The following CDC25A variants were observed in gnomAD, a reference collection of about 807,000 sequenced individuals.
CDC25A encodes cell division cycle 25A.
A neutral mutation model predicts 64.6 loss-of-function variants in CDC25A; 17 were observed. The ratio of observed to expected loss-of-function variants is 0.26; its 90% CI spans 0.18 to 0.39. The LOEUF is 0.39. Among genes scored for constraint, CDC25A ranks in the 10% least tolerant of loss-of-function variants. The pLI is 1.00. For synonymous variants in CDC25A, 229 were observed against 238.6 expected, an observed-to-expected ratio of 0.96 and a Z score of 0.37; for missense variants, 473 against 654.8, an observed-to-expected ratio of 0.72 and a Z score of 3.03.
intron 13 of CDC25A, among the ~76,000 whole-genome samples, chr3:48,160,357 C>CCTT (rs1165516275): frequency 6.7e-6 from 1 of 150,046 alleles, no homozygotes; most frequent in Non-Finnish European, 1.5e-5. Flanking sequence ...GATCCACCTG[C>CCTT]CTTGGCCTCC....
In CDC25A at chr3:48,180,726, G is replaced by T. The variant is rs6771386; in HGVS notation, c.544C>A (p.Arg182=). 6.2e-7 allele frequency: 1 copy of T among 1,613,900 alleles called. No homozygotes were observed. Among genetic ancestry groups the T allele is most frequent in the African/African-American group, 1.3e-5 (1 of 74,914 alleles). The change falls in exon 6 of 15, where the codon CGG becomes AGG. Residue 182 remains arginine (R), a synonymous_variant. Coordinates refer to ENST00000302506, the MANE Select transcript of CDC25A (RefSeq NM_001789.3). ...FTQRQNSAPA[R]MLSSNERDSS... ...ATGAAAGCCAGAGCACATACCATCC[G>T]AGCTGGGGCAGAGTTCTGCCTCTGT...
chr3:48,171,699 T>C (rs1029858030), intron 9 of CDC25A, among the ~76,000 whole-genome samples: 1 of 152,184 alleles, frequency 6.6e-6, no homozygotes, highest in Non-Finnish European at 1.5e-5. Context: ...TAAATATTGA[T>C]AGATATTTTC....
chr3:48,160,673 G>T (rs1485678687), intron 13 of CDC25A, among the ~76,000 whole-genome samples: 1 of 152,140 alleles, frequency 6.6e-6, no homozygotes. Context: ...TGAAGGCAGA[G>T]ATTTTTTGGT....
Position 48,180,805 on chromosome 3 carries a change from T to C in CDC25A, c.465A>G (p.Val155=). The C allele has an allele frequency of 1.2e-6, 2 of 1,614,094 alleles. No individual in the cohort carries two copies. Among genetic ancestry groups the C allele is most frequent in the African/African-American group, 2.7e-5 (2 of 75,050 alleles). ...AFEFKKPVRP[V]SRGCLHSHGL... ...CATGAGAGTGCAGGCAGCCACGAGA[T>C]ACAGGTCTTACTGGCTTCTTAAACT... Residue 155 remains valine, a synonymous_variant, in exon 6 of 15, where the codon GTA becomes GTG. Coordinates refer to ENST00000302506, the MANE Select transcript of CDC25A (RefSeq NM_001789.3).
chr3:48,178,012 A>C (rs767346063), intron 6 of CDC25A, 24 bp from the exon 7 acceptor site: 1 of 1,591,798 alleles, frequency 6.3e-7, no homozygotes, highest in Non-Finnish European at 8.6e-7. Context: ...TTCATGGATT[A>C]ATAATGAGAG....
intron 13 of CDC25A, among the ~76,000 whole-genome samples, chr3:48,161,759 T>A (rs2031775348): frequency 6.6e-6 from 1 of 152,032 alleles, no homozygotes; most frequent in Non-Finnish European, 1.5e-5. Context: ...AAAAACAATT[T>A]ACATGTGTGT....
intron 4 of CDC25A, among the ~76,000 whole-genome samples, 183 bp downstream of exon 4, chr3:48,183,617 G>T (rs890631488): frequency 6.6e-6 from 1 of 152,192 alleles, no homozygotes; most frequent in South Asian, 2.1e-4. Context: ...GGAAGCAGAG[G>T]TTGCAGTGAG....
At chr3:48,177,227 T>C (rs2032497735) in intron 8 of CDC25A, 144 bp downstream of exon 8, 2 of 647,922 alleles carry the variant, frequency 3.1e-6, no homozygotes, top group South Asian at 3.8e-5. Context: ...AGGTCATAAT[T>C]TGTAGGTAGC....
chr3:48,172,649 A>G (rs2032310035), intron 9 of CDC25A, among the ~76,000 whole-genome samples: 1 of 152,206 alleles, frequency 6.6e-6, no homozygotes, highest in South Asian at 2.1e-4. Flanking sequence ...GATTGCCCTG[A>G]GCCCAGGAGT....
At chr3:48,184,229 G>A (rs992491052) in intron 3 of CDC25A, among the ~76,000 whole-genome samples, 1 of 152,042 alleles carries the variant, frequency 6.6e-6, no homozygotes, top group Admixed American at 6.5e-5. Context: ...GGGTGTGGTG[G>A]TGCACTCCTG....
At chr3:48,184,517 G>A (rs111550870) in intron 3 of CDC25A, 136 bp downstream of exon 3, 32 of 656,658 alleles carry the variant, frequency 4.9e-5, no homozygotes, top group Middle Eastern at 5.0e-4. Flanking sequence ...ATTCATTCTT[G>A]AGATTCCAGA....
chr3:48,166,552 C>T (rs1036321769), intron 10 of CDC25A, among the ~76,000 whole-genome samples: 7 of 152,214 alleles, frequency 4.6e-5, no homozygotes. Context: ...ACAGATTTCA[C>T]TCATTTACTG....
intron 6 of CDC25A, among the ~76,000 whole-genome samples, chr3:48,180,026 A>G (rs2032604706): frequency 6.6e-6 from 1 of 152,188 alleles, no homozygotes. Context: ...GCAAATACAT[A>G]GCCCTGAAAC....
intron 5 of CDC25A, among the ~76,000 whole-genome samples, 155 bp downstream of exon 5, chr3:48,182,774 A>G (rs562880702): frequency 1.3e-5 from 2 of 152,346 alleles, no homozygotes; most frequent in African/African-American, 4.8e-5. Context: ...TCACACAGCT[A>G]GTAAGCAGGA....
chr3:48,164,584 T>A, intron 12 of CDC25A, 147 bp from the exon 13 acceptor site: 1 of 663,072 alleles, frequency 1.5e-6, no homozygotes, highest in Non-Finnish European at 2.3e-6. Context: ...AATAGCCCAG[T>A]AGACCATTTG....
intron 8 of CDC25A, 48 bp downstream of exon 8, chr3:48,177,323 G>T: frequency 7.2e-7 from 1 of 1,384,076 alleles, no homozygotes; most frequent in Non-Finnish European, 1.0e-6. Flanking sequence ...ACTCTGTCCA[G>T]TGCCCCAATC....
intron 10 of CDC25A, among the ~76,000 whole-genome samples, chr3:48,166,730 C>G (rs1358501392): frequency 6.6e-6 from 1 of 152,176 alleles, no homozygotes; most frequent in Non-Finnish European, 1.5e-5. Flanking sequence ...ACAAATATAA[C>G]CAGGCCTCAA....
intron 6 of CDC25A, among the ~76,000 whole-genome samples, chr3:48,179,645 C>T: frequency 6.6e-6 from 1 of 152,014 alleles, no homozygotes; most frequent in Admixed American, 6.6e-5. Context: ...GGGATTACAG[C>T]CATGAGCCAC....
At position 48,184,639 on chromosome 3, in the gene CDC25A, C is replaced by T. The variant is rs1202888526; in HGVS notation, c.290+14G>A. Reference sequence around the variant, plus strand: ...TTTTCTACATATAAACATTTGAAAGCAGTGAATACATACTTTTCTTTACTG... The same window carrying T: ...TTTTCTACATATAAACATTTGAAAGTAGTGAATACATACTTTTCTTTACTG... On this transcript the variant is annotated intron_variant, in intron 3 of 14. Coordinates refer to ENST00000302506, the MANE Select transcript of CDC25A (RefSeq NM_001789.3). The T allele has an allele frequency of 2.6e-6, 4 of 1,566,684 alleles. No homozygotes were observed. Among genetic ancestry groups the T allele is most frequent in the African/African-American group, 2.7e-5 (2 of 72,760 alleles).
Sources: allele counts gnomAD v4.1 joint callset (sites outside exome capture counted in the v4.1 genomes callset), GRCh38; gene constraint gnomAD v4.1.1; transcripts MANE v1.5; gene names NCBI Gene and HGNC (gene_info 2026-07-23, HGNC 2026-07-21).